The following ZFPM2 variants were observed in gnomAD, a reference collection of about 807,000 sequenced individuals.
ZFPM2 encodes zinc finger protein, FOG family member 2, also known as zinc finger protein ZFPM2.
In ZFPM2, 20 loss-of-function variants were observed where a neutral mutation model predicts 98.6. The observed-to-expected ratio is 0.20, with a 90% CI of 0.14 to 0.29. The LOEUF (loss-of-function observed/expected upper bound fraction) is 0.29. ZFPM2 is among the 10% of genes least tolerant of loss of function. ZFPM2 has a pLI of 1.00. For missense variants in ZFPM2, 1,310 were observed against 1,388.6 expected (o/e 0.94, Z 0.90); for synonymous variants, 518 against 502.7 (o/e 1.03, Z -0.41).
chr8:105,436,834 C>T (rs1349487586), intron 2 of ZFPM2, among the ~76,000 whole-genome samples: 2 of 152,080 alleles, frequency 1.3e-5, no homozygotes, highest in African/African-American at 4.8e-5. Context: ...TAGCAATATA[C>T]CTAGTGCTGA....
At chr8:105,730,579 C>T (rs1477105066) in intron 5 of ZFPM2, among the ~76,000 whole-genome samples, 1 of 151,668 alleles carries the variant, frequency 6.6e-6, no homozygotes, top group East Asian at 2.0e-4. Context: ...GGTCTCTTTA[C>T]GTTGTTCAGA....
intron 4 of ZFPM2, among the ~76,000 whole-genome samples, chr8:105,624,247 A>G (rs1212951157): frequency 6.6e-6 from 1 of 152,186 alleles, no homozygotes; most frequent in Admixed American, 6.5e-5. Flanking sequence ...TTCTCTTCCC[A>G]GAGATTCAGC....
At chr8:105,484,738 A>G (rs1322343217) in intron 3 of ZFPM2, among the ~76,000 whole-genome samples, 5 of 152,126 alleles carry the variant, frequency 3.3e-5, no homozygotes, top group Non-Finnish European at 5.9e-5. Context: ...CGTTAGGCTG[A>G]TGAATTTGTG....
At position 105,798,813 on chromosome 8, in the gene ZFPM2, C is replaced by CAAAG; in HGVS notation, c.831_834dup (p.Glu279LysfsTer11). On this transcript the variant is annotated frameshift_variant, in exon 7 of 8. Transcript: ENST00000407775. LOFTEE classifies it high-confidence loss of function. The stretch of plus-strand genomic sequence containing the variant: ...TTTGATGTACTACTGCAGTGGGAGG[C>CAAAG]AAAGAGAAGCTGCTCCGGTGTCAGA... 6.2e-7 allele frequency: 1 copy of CAAAG among 1,613,912 alleles called. No homozygotes were observed.
chr8:105,783,350 G>GAA (rs141723345), intron 5 of ZFPM2, among the ~76,000 whole-genome samples: 5 of 143,626 alleles, frequency 3.5e-5, no homozygotes, highest in South Asian at 2.2e-4. Flanking sequence ...GTTTTGTAGT[G>GAA]AAAAAAAAAA....
At chr8:105,571,025 A>G (rs13254248) in intron 4 of ZFPM2, among the ~76,000 whole-genome samples, 18,388 of 152,198 alleles carry the variant, frequency 0.12, 1,186 homozygotes, top group South Asian at 0.17. Flanking sequence ...TTCTGAAAGG[A>G]GGAATTGTTT....
At chr8:105,662,288 A>T (rs1417760496) in intron 5 of ZFPM2, 1 of 152,100 alleles carries the variant, frequency 6.6e-6, no homozygotes, top group East Asian at 1.9e-4. Flanking sequence ...AAAGGAGACG[A>T]GAAGGGGGCA....
intron 5 of ZFPM2, among the ~76,000 whole-genome samples, chr8:105,671,865 G>C (rs1817605118): frequency 6.6e-6 from 1 of 152,078 alleles, no homozygotes; most frequent in African/African-American, 2.4e-5. Flanking sequence ...GAGAGACTAA[G>C]TAGCTAGCAC....
Position 105,687,908 on chromosome 8 carries a change from A to G in ZFPM2, c.532+53551A>G, listed in dbSNP as rs557045409. Among the ~76,000 whole-genome samples, 158 of 152,224 alleles carry G rather than the reference A, an allele frequency of 1.0e-3. 1 individual carries two copies. Among genetic ancestry groups the G allele is most frequent in the African/African-American group, 3.6e-3 (151 of 41,564 alleles). ...AAAAGAAGAATACATAGTATATTGA[A>G]TATAAATTTTTAAGCTCTGAGGGCT... On this transcript the variant is annotated intron_variant, in intron 5 of 7. Coordinates refer to ENST00000407775, the MANE Select transcript of ZFPM2 (RefSeq NM_012082.4).
At chr8:105,534,411 CT>C (rs1206543200) in intron 3 of ZFPM2, among the ~76,000 whole-genome samples, 2 of 123,492 alleles carry the variant, frequency 1.6e-5, no homozygotes, top group African/African-American at 7.4e-5. Context: ...CCTTTCCTTC[CT>C]TCCTTCCTCT....
rs781660582 is a variant in ZFPM2 at position 105,559,711 on chromosome 8, TTAAAC to T, written c.302-1649_302-1645del. Among the ~76,000 whole-genome samples, 232 of 152,220 alleles carry T rather than the reference TTAAAC, an allele frequency of 1.5e-3. 2 individuals carry two copies. Among genetic ancestry groups the T allele is most frequent in the Middle Eastern group, 3.4e-3 (1 of 294 alleles). ...AAACATGAACAATAATGTCTGGTAT[TTAAAC>T]TATTAAAAGGAGGTGACACTAAATA... is the stretch of plus-strand genomic sequence containing the variant. On this transcript the variant is annotated intron_variant, in intron 3 of 7. Transcript: ENST00000407775.
At chr8:105,596,395 C>T (rs191160953) in intron 4 of ZFPM2, among the ~76,000 whole-genome samples, 33 of 152,140 alleles carry the variant, frequency 2.2e-4, no homozygotes, top group African/African-American at 7.9e-4. Context: ...AGGAGAAGCA[C>T]ATTTATAATG....
intron 3 of ZFPM2, among the ~76,000 whole-genome samples, chr8:105,464,502 A>T (rs1395823474): frequency 1.3e-5 from 2 of 151,950 alleles, no homozygotes; most frequent in African/African-American, 4.8e-5. Context: ...ATTTCATTAG[A>T]GGGGAAAAAA....
At chr8:105,566,982 G>T in intron 4 of ZFPM2, among the ~76,000 whole-genome samples, 1 of 152,132 alleles carries the variant, frequency 6.6e-6, no homozygotes, top group East Asian at 1.9e-4. Context: ...ATGAAATAAT[G>T]CATGTATCAA....
chr8:105,609,509 T>C (rs1219595384), intron 4 of ZFPM2, among the ~76,000 whole-genome samples: 1 of 152,172 alleles, frequency 6.6e-6, no homozygotes, highest in Non-Finnish European at 1.5e-5. Context: ...TTAATTGTAT[T>C]ATACAAGTTA....
intron 5 of ZFPM2, among the ~76,000 whole-genome samples, chr8:105,661,658 C>A (rs1817390857): frequency 6.6e-6 from 1 of 151,916 alleles, no homozygotes; most frequent in African/African-American, 2.4e-5. Context: ...CCCTTTTTCT[C>A]TTTTAATCCC....
intron 5 of ZFPM2, among the ~76,000 whole-genome samples, chr8:105,669,535 CATGT>C (rs959596985): frequency 4.0e-4 from 52 of 130,902 alleles, no homozygotes; most frequent in African/African-American, 1.4e-3. Flanking sequence ...TGAAAGTGTG[CATGT>C]GTGTGTGTGT....
chr8:105,472,728 T>C (rs1812929719), intron 3 of ZFPM2, among the ~76,000 whole-genome samples: 1 of 151,762 alleles, frequency 6.6e-6, no homozygotes, highest in African/African-American at 2.4e-5. Flanking sequence ...CAGGATGGTC[T>C]CGATCTCCTG....
At chr8:105,710,207 T>C (rs1387241661) in intron 5 of ZFPM2, among the ~76,000 whole-genome samples, 1 of 152,138 alleles carries the variant, frequency 6.6e-6, no homozygotes, top group Non-Finnish European at 1.5e-5. Context: ...AACTTCAAAA[T>C]CTCAGTGGTC....
Sources: gnomAD v4.1 joint callset for allele counts (sites outside exome capture counted in the v4.1 genomes callset) on GRCh38, gnomAD v4.1.1 for gene constraint, MANE v1.5 for transcripts, NCBI Gene and HGNC (gene_info 2026-07-23, HGNC 2026-07-21) for gene names.